THSD7A: variants seen among roughly 807,000 people sequenced by gnomAD.
THSD7A encodes thrombospondin type-1 domain-containing protein 7A.
A neutral mutation model predicts 231.3 loss-of-function variants in THSD7A; 96 were observed. That is an observed-to-expected ratio of 0.41 (90% CI 0.35 to 0.49). The LOEUF (loss-of-function observed/expected upper bound fraction) is 0.49, where lower values mean the gene tolerates loss of function less well. Among genes scored for constraint, THSD7A ranks in the 20% least tolerant of loss-of-function variants. The probability of loss-of-function intolerance (pLI) is 0.05; values close to 1 mark genes in which losing one functional copy is unlikely to be tolerated. For missense variants in THSD7A, 2,290 were observed against 2,070.2 expected (o/e 1.11, Z -2.06); for synonymous variants, 940 against 743.3 (o/e 1.26, Z -4.30).
At chr7:11,641,708 C>A (rs1051525190) in intron 1 of THSD7A, among the ~76,000 whole-genome samples, 2 of 150,170 alleles carry the variant, frequency 1.3e-5, no homozygotes, top group Non-Finnish European at 3.0e-5. Context: ...ATGAAGGCAC[C>A]AGTGAAAGCA....
intron 2 of THSD7A, among the ~76,000 whole-genome samples, chr7:11,629,362 T>A (rs2128357015): frequency 6.6e-6 from 1 of 152,274 alleles, no homozygotes. Context: ...GCATACTGAC[T>A]CTGTTTAGTC....
intron 1 of THSD7A, among the ~76,000 whole-genome samples, chr7:11,722,174 T>C (rs1016068574): frequency 1.3e-5 from 2 of 151,870 alleles, no homozygotes; most frequent in East Asian, 2.0e-4. Flanking sequence ...ATTTAGTTTA[T>C]AGGTTAACTT....
intron 1 of THSD7A, among the ~76,000 whole-genome samples, chr7:11,780,868 G>A (rs1034907780): frequency 4.6e-5 from 7 of 150,790 alleles, no homozygotes; most frequent in African/African-American, 1.5e-4. Context: ...GCGGGCGCCT[G>A]TAGTCCCAGC....
chr7:11,629,053 G>A (rs1003425756), intron 2 of THSD7A, among the ~76,000 whole-genome samples: 1 of 152,182 alleles, frequency 6.6e-6, no homozygotes, highest in East Asian at 1.9e-4. Flanking sequence ...GGAGAGGACT[G>A]CTGGATACAG....
intron 17 of THSD7A, among the ~76,000 whole-genome samples, chr7:11,414,351 G>C (rs964820328): frequency 6.6e-6 from 1 of 152,200 alleles, no homozygotes; most frequent in Admixed American, 6.5e-5. Flanking sequence ...TGGGACACGA[G>C]GGGGCATAAA....
chr7:11,657,638 T>C (rs1384795374), intron 1 of THSD7A, among the ~76,000 whole-genome samples: 1 of 151,842 alleles, frequency 6.6e-6, no homozygotes, highest in Non-Finnish European at 1.5e-5. Flanking sequence ...TTATATTGTA[T>C]CCTCTATTGT....
At chr7:11,747,886 C>A (rs765885840) in intron 1 of THSD7A, among the ~76,000 whole-genome samples, 2 of 151,774 alleles carry the variant, frequency 1.3e-5, no homozygotes, top group Non-Finnish European at 2.9e-5. Context: ...TAAAAAGGCA[C>A]AATGATATTA....
At chr7:11,443,188 G>A (rs1384125495) in intron 13 of THSD7A, among the ~76,000 whole-genome samples, 1 of 152,032 alleles carries the variant, frequency 6.6e-6, no homozygotes, top group Non-Finnish European at 1.5e-5. Flanking sequence ...AAGCTCACAG[G>A]TAATGTTAAA....
At chr7:11,402,683 G>C (rs894954019) in intron 22 of THSD7A, among the ~76,000 whole-genome samples, 2 of 152,094 alleles carry the variant, frequency 1.3e-5, no homozygotes, top group Admixed American at 1.3e-4. Context: ...ACATTCCCAG[G>C]ATCTCAAAAC....
At chr7:11,677,817 G>A (rs942578627) in intron 1 of THSD7A, among the ~76,000 whole-genome samples, 3 of 151,902 alleles carry the variant, frequency 2.0e-5, no homozygotes, top group Non-Finnish European at 2.9e-5. Context: ...ATATCCAGGA[G>A]TTGAACTCAG....
intron 1 of THSD7A, among the ~76,000 whole-genome samples, chr7:11,740,130 C>G (rs1562520151): frequency 6.6e-6 from 1 of 151,942 alleles, no homozygotes; most frequent in Non-Finnish European, 1.5e-5. Context: ...TACAGGGACA[C>G]TAGTAAGATC....
chr7:11,703,070 T>C (rs773480367), intron 1 of THSD7A, among the ~76,000 whole-genome samples: 20 of 151,334 alleles, frequency 1.3e-4, no homozygotes, highest in Middle Eastern at 3.4e-3. Context: ...TTTGAGAAAA[T>C]ACACACTCAG....
At chr7:11,725,314 A>AACTT (rs1380754876) in intron 1 of THSD7A, among the ~76,000 whole-genome samples, 9 of 151,962 alleles carry the variant, frequency 5.9e-5, no homozygotes, top group Admixed American at 2.0e-4. Context: ...CTTTAGTAGA[A>AACTT]ACTTACATTG....
chr7:11,630,453 A>C (rs543657010), intron 2 of THSD7A, among the ~76,000 whole-genome samples: 24 of 152,326 alleles, frequency 1.6e-4, no homozygotes, highest in Admixed American at 1.2e-3. Context: ...CAAGATGTTA[A>C]TATTTCTAGA....
chr7:11,821,207 C>A (rs1784863404), intron 1 of THSD7A: 1 of 1,179,328 alleles, frequency 8.5e-7, no homozygotes, highest in Non-Finnish European at 1.3e-6. Flanking sequence ...ACATGGTGAA[C>A]AATGGTCACT....
intron 6 of THSD7A, among the ~76,000 whole-genome samples, chr7:11,531,595 G>A (rs931578987): frequency 4.6e-5 from 7 of 152,006 alleles, no homozygotes; most frequent in South Asian, 2.1e-4. Context: ...TCTCAAATTC[G>A]CATAGGGCTT....
At chr7:11,442,194 A>T (rs1219404694) in intron 13 of THSD7A, among the ~76,000 whole-genome samples, 1 of 152,040 alleles carries the variant, frequency 6.6e-6, no homozygotes, top group African/African-American at 2.4e-5. Flanking sequence ...ATACTATAAT[A>T]TCTGATTTTG....
intron 1 of THSD7A, among the ~76,000 whole-genome samples, chr7:11,647,298 A>G (rs987228942): frequency 6.6e-6 from 1 of 152,008 alleles, no homozygotes; most frequent in East Asian, 1.9e-4. Context: ...TATGGACAGC[A>G]CAAATTCCTG....
chr7:11,582,854 T>G (rs2128338254), intron 4 of THSD7A, among the ~76,000 whole-genome samples: 1 of 152,308 alleles, frequency 6.6e-6, no homozygotes, highest in East Asian at 1.9e-4. Context: ...GAAATTTCAC[T>G]ACATTGTCCC....
Sources: allele counts gnomAD v4.1 joint callset (sites outside exome capture counted in the v4.1 genomes callset), GRCh38; gene constraint gnomAD v4.1.1; transcripts MANE v1.5; gene names NCBI Gene and HGNC (gene_info 2026-07-23, HGNC 2026-07-21).